PKP4: variants seen among roughly 807,000 people sequenced by gnomAD.
PKP4 encodes plakophilin 4, also known as plakophilin-4.
In PKP4, 90 loss-of-function variants were observed where a neutral mutation model predicts 145.1. That is an observed-to-expected ratio of 0.62 (90% CI 0.52 to 0.74). The LOEUF (loss-of-function observed/expected upper bound fraction) is 0.74. PKP4 is among the 30% of genes least tolerant of loss of function. The pLI is 0.00. For missense variants in PKP4, 1,340 were observed against 1,482.7 expected (o/e 0.90, Z 1.58); for synonymous variants, 563 against 577.2 (o/e 0.98, Z 0.35).
chr2:158,634,957 T>TA (rs1276977802), intron 9 of PKP4, among the ~76,000 whole-genome samples: 2 of 152,240 alleles, frequency 1.3e-5, no homozygotes, highest in Non-Finnish European at 2.9e-5. Context: ...ACCTTGTCCT[T>TA]AAAGCCATTT....
intron 2 of PKP4, among the ~76,000 whole-genome samples, chr2:158,541,942 A>G (rs1026566815): frequency 1.3e-5 from 2 of 152,154 alleles, no homozygotes; most frequent in Non-Finnish European, 1.5e-5. Flanking sequence ...CAGAATTAAT[A>G]ACTCTTACTA....
intron 4 of PKP4, among the ~76,000 whole-genome samples, chr2:158,611,565 A>G (rs190852260): frequency 6.6e-6 from 1 of 152,338 alleles, no homozygotes; most frequent in African/African-American, 2.4e-5. Flanking sequence ...TTACAACACA[A>G]AAATTCATCA....
intron 1 of PKP4, among the ~76,000 whole-genome samples, chr2:158,528,200 C>T (rs1000359061): frequency 2.3e-4 from 33 of 140,570 alleles, no homozygotes; most frequent in African/African-American, 4.0e-4. Context: ...ATGTTTATTG[C>T]GGCATTATTC....
At chr2:158,559,519 C>T (rs1393601088) in intron 2 of PKP4, among the ~76,000 whole-genome samples, 1 of 152,084 alleles carries the variant, frequency 6.6e-6, no homozygotes, top group African/African-American at 2.4e-5. Context: ...CTGACCTAGC[C>T]TGGCACTCTG....
intron 15 of PKP4, among the ~76,000 whole-genome samples, chr2:158,663,771 G>C (rs2056830301): frequency 1.3e-5 from 2 of 152,208 alleles, no homozygotes; most frequent in African/African-American, 4.8e-5. Flanking sequence ...TGTAAGGGAA[G>C]GTCAGGAAAA....
chr2:158,515,001 T>C (rs1405168799), intron 1 of PKP4, among the ~76,000 whole-genome samples: 1 of 152,252 alleles, frequency 6.6e-6, no homozygotes, highest in Non-Finnish European at 1.5e-5. Context: ...ATTCAGAGAC[T>C]TTAAACATGT....
At position 158,666,323 on chromosome 2, in the gene PKP4, C is replaced by T. The variant is rs559891076; in HGVS notation, c.2578-90C>T. 309 of 1,133,546 alleles carry T rather than the reference C, an allele frequency of 2.7e-4. 1 individual carries two copies. In the Middle Eastern group the frequency reaches 6.9e-3, roughly 25 times the overall value. The allele number at this position is 1,133,546 out of a possible 1,614,324, so 70.2% of individuals were successfully genotyped here. ...AAAGAAACCATTTAATCTATTAGTTCATCTTTTGGAAACATCTTTTTTAGG... is the reference window on the plus strand; with the variant it reads ...AAAGAAACCATTTAATCTATTAGTTTATCTTTTGGAAACATCTTTTTTAGG... On this transcript the variant is annotated intron_variant, in intron 15 of 21. Transcript: ENST00000389759.
At chr2:158,461,800 T>C (rs1407024543) in intron 1 of PKP4, among the ~76,000 whole-genome samples, 2 of 152,114 alleles carry the variant, frequency 1.3e-5, no homozygotes, top group Non-Finnish European at 2.9e-5. Context: ...CCTTCATCTG[T>C]GCCCCTACAC....
intron 7 of PKP4, among the ~76,000 whole-genome samples, chr2:158,630,386 T>G (rs192947611): frequency 2.7e-4 from 41 of 152,346 alleles, no homozygotes; most frequent in Non-Finnish European, 3.2e-4. Context: ...TTCTTTATAC[T>G]AGAAAGAAGG....
intron 1 of PKP4, among the ~76,000 whole-genome samples, chr2:158,487,774 TGAGAGAGAGAGA>T: frequency 7.4e-6 from 1 of 134,922 alleles, no homozygotes; most frequent in East Asian, 2.1e-4. Flanking sequence ...AAAGAAAGAC[TGAGAGAGAGAGA>T]GAGAGAGAAG....
intron 3 of PKP4, among the ~76,000 whole-genome samples, chr2:158,602,115 T>C (rs1268909197): frequency 6.6e-6 from 1 of 152,228 alleles, no homozygotes; most frequent in Non-Finnish European, 1.5e-5. Flanking sequence ...ACATTCATTT[T>C]TATTTTTCTA....
chr2:158,502,543 A>G (rs1696739384), intron 1 of PKP4, among the ~76,000 whole-genome samples: 1 of 152,162 alleles, frequency 6.6e-6, no homozygotes, highest in Admixed American at 6.5e-5. Context: ...GTGTCTTCTC[A>G]TCACCCCTCA....
chr2:158,642,443 T>G (rs775122679), intron 10 of PKP4, 43 bp from the exon 11 acceptor site: 1 of 1,401,276 alleles, frequency 7.1e-7, no homozygotes, highest in Non-Finnish European at 9.9e-7. Flanking sequence ...CACTGATTAA[T>G]TGCATGTTAC....
chr2:158,573,167 T>C (rs1295593591), intron 2 of PKP4, among the ~76,000 whole-genome samples: 2 of 152,234 alleles, frequency 1.3e-5, no homozygotes, highest in South Asian at 2.1e-4. Context: ...TGGAATACTA[T>C]TGGGCAGTGA....
chr2:158,551,536 A>G (rs2045624970), intron 2 of PKP4, among the ~76,000 whole-genome samples: 1 of 152,214 alleles, frequency 6.6e-6, no homozygotes, highest in Non-Finnish European at 1.5e-5. Flanking sequence ...GTTAAAAGAG[A>G]TAACAGCCAT....
chr2:158,599,634 T>A (rs934607981), intron 3 of PKP4, among the ~76,000 whole-genome samples: 1 of 152,230 alleles, frequency 6.6e-6, no homozygotes, highest in Non-Finnish European at 1.5e-5. Context: ...TCAGTCAGGA[T>A]TTTTGGTTGC....
chr2:158,496,057 T>C (rs1412196820), intron 1 of PKP4, among the ~76,000 whole-genome samples: 1 of 151,980 alleles, frequency 6.6e-6, no homozygotes, highest in East Asian at 1.9e-4. Flanking sequence ...CTCAGCTGAC[T>C]GCAAGCTCCA....
intron 12 of PKP4, chr2:158,659,137 TGAAA>T (rs1008000040): frequency 6.6e-6 from 1 of 152,200 alleles, no homozygotes; most frequent in African/African-American, 2.4e-5. Flanking sequence ...ACAGGCAGCC[TGAAA>T]GAGAGCAAAG....
intron 1 of PKP4, among the ~76,000 whole-genome samples, chr2:158,491,293 T>C (rs1694898159): frequency 6.6e-6 from 1 of 152,182 alleles, no homozygotes; most frequent in Non-Finnish European, 1.5e-5. Flanking sequence ...TGCTGCATCA[T>C]AGACTATCAG....
Sources: allele counts gnomAD v4.1 joint callset (sites outside exome capture counted in the v4.1 genomes callset), GRCh38; gene constraint gnomAD v4.1.1; transcripts MANE v1.5; gene names NCBI Gene and HGNC (gene_info 2026-07-23, HGNC 2026-07-21).